Variants in ATP7A observed in about 807,000 individuals in gnomAD.
ATP7A encodes copper-transporting ATPase 1.
Under a neutral mutation model 83.5 loss-of-function variants are expected in ATP7A, and 7 were observed. The ratio of observed to expected loss-of-function variants is 0.08; its 90% CI spans 0.05 to 0.16. The LOEUF is 0.16. Ranked by LOEUF, ATP7A falls within the 10% of genes least tolerant of loss-of-function variation. The pLI is 1.00. For missense variants in ATP7A, 940 were observed against 1,120.8 expected (o/e 0.84, Z 2.30); for synonymous variants, 354 against 395.2 (o/e 0.90, Z 1.24).
intron 14 of ATP7A, among the ~76,000 whole-genome samples, chrX:78,022,654 A>G (rs782052083): frequency 2.4e-4 from 26 of 108,552 alleles, no homozygotes; most frequent in African/African-American, 8.7e-4. Context: ...AGTAGCGGGG[A>G]TTACAGGCTT....
chrX:78,002,981 C>A, intron 5 of ATP7A, 92 bp from the exon 6 acceptor site: 1 of 949,832 alleles, frequency 1.1e-6, no homozygotes, highest in East Asian at 3.3e-5. Context: ...AAGAGAAATC[C>A]TTTCATACTT....
chrX:78,047,050 A>G lies in ATP7A; in HGVS notation c.*480A>G, dbSNP rs2078087861. The G allele has an allele frequency of 8.6e-6, 1 of 116,111 alleles. No individual in the cohort carries two copies. Among genetic ancestry groups the G allele is most frequent in the Non-Finnish European group, 1.8e-5 (1 of 55,864 alleles). The allele number at this position is 116,111 out of a possible 1,213,427, so 9.6% of individuals were successfully genotyped here. On this transcript the variant is annotated 3_prime_UTR_variant, in exon 23 of 23. Transcript: ENST00000341514. ...TCAAAGCACTGTGTATAAAACATCT[A>G]GTTTTAGAAGGGAAACAGTTGAAAC... is the stretch of plus-strand genomic sequence containing the variant.
chrX:78,029,524 A>T (rs1367848739), intron 15 of ATP7A, 80 bp downstream of exon 15: 2 of 969,174 alleles, frequency 2.1e-6, no homozygotes, highest in African/African-American at 3.8e-5. Context: ...ACATACTCCT[A>T]AATTATTTCT....
chrX:78,038,857 A>G lies in ATP7A; in HGVS notation c.3533A>G (p.Tyr1178Cys), dbSNP rs1557238006. 4.1e-6 allele frequency: 5 copies of G among 1,210,904 alleles called. No individual in the cohort carries two copies. Among genetic ancestry groups the G allele is most frequent in the Admixed American group, 2.2e-5 (1 of 46,044 alleles). Residue 1178 changes from tyrosine to cysteine, a missense_variant, in exon 18 of 23, where the codon TAT becomes TGT. Tyr to Cys is a radical substitution (Grantham distance 194). This residue lies in a region of ATP7A where 386 missense variants were observed against 502.2 expected (regional missense o/e 0.77). Coordinates refer to ENST00000341514, the MANE Select transcript of ATP7A (RefSeq NM_000052.7). ...QISNALNAQQ[Y>C]KVLIGNREWM... ...TCAGATGCTCTTAATGCTCAGCAGT[A>G]TAAAGTCCTCATTGGTAACCGGGAG...
intron 1 of ATP7A, among the ~76,000 whole-genome samples, chrX:77,914,277 G>A (rs1258980134): frequency 1.8e-5 from 2 of 110,577 alleles, no homozygotes; most frequent in African/African-American, 6.6e-5. Flanking sequence ...AAGAGATGGG[G>A]TCTTGCTCTG....
At chrX:77,922,034 G>A (rs868944854) in intron 1 of ATP7A, among the ~76,000 whole-genome samples, 49 of 111,132 alleles carry the variant, frequency 4.4e-4, no homozygotes, top group African/African-American at 1.5e-3. Flanking sequence ...GCCTCAAGAA[G>A]TCCTCCTGCT....
At chrX:77,992,015 C>T (rs993128279) in intron 4 of ATP7A, among the ~76,000 whole-genome samples, 12 of 109,331 alleles carry the variant, frequency 1.1e-4, no homozygotes, top group Non-Finnish European at 2.1e-4. Context: ...GAACAAGACC[C>T]TGTCTTTAAA....
Position 77,957,846 on chromosome X carries a change from G to A in ATP7A, c.-21-13775G>A, listed in dbSNP as rs782526199. ...GGTAGGGGTCTAGTCTCATTTTTCT[G>A]CATGTGGCTATTCAGTTTTCTCAGC... On this transcript the variant is annotated intron_variant, in intron 1 of 22. Coordinates refer to ENST00000341514, the MANE Select transcript of ATP7A (RefSeq NM_000052.7). Among the ~76,000 whole-genome samples, 6 of 110,889 alleles carry A rather than the reference G, an allele frequency of 5.4e-5. No homozygotes were observed. The East Asian group carries it at 1.7e-3, about 31-fold the overall frequency.
Position 77,989,967 on chromosome X carries a change from C to A in ATP7A, c.1336+9C>A. ...TGATGCTACCTTGTCAGGTAATTATCATTTTTTCTTTGATTACCCTAATGT... is the reference window on the plus strand; with the variant it reads ...TGATGCTACCTTGTCAGGTAATTATAATTTTTTCTTTGATTACCCTAATGT... On this transcript the variant is annotated intron_variant, in intron 4 of 22. Coordinates refer to ENST00000341514, the MANE Select transcript of ATP7A (RefSeq NM_000052.7). 8.3e-7 allele frequency: 1 copy of A among 1,210,377 alleles called. No individual in the cohort carries two copies. The highest frequency in any genetic ancestry group is 1.1e-6 in the Non-Finnish European group (1 of 894,794).
At position 78,013,043 on chromosome X, in the gene ATP7A, T is replaced by A; in HGVS notation, c.2337T>A (p.Thr779=). 2 of 1,211,411 alleles carry A rather than the reference T, an allele frequency of 1.7e-6. No homozygotes were observed. Among genetic ancestry groups the A allele is most frequent in the Non-Finnish European group, 2.2e-6 (2 of 895,276 alleles). Residue 779 remains threonine (T), a synonymous_variant, in exon 10 of 23, where the codon ACT becomes ACA. Transcript: ENST00000341514. ...AGAGAGCCAAAGTGAACCCTATTAC[T>A]TTCTTTGACACACCCCCTATGCTGT... The part of the protein sequence containing the change: ...MYERAKVNPI[T]FFDTPPMLFV...
chrX:78,006,289 G>T (rs1311613109), intron 6 of ATP7A, among the ~76,000 whole-genome samples: 1 of 111,910 alleles, frequency 8.9e-6, no homozygotes, highest in Non-Finnish European at 1.9e-5. Context: ...TTTTGCATAT[G>T]TATGAAATGA....
At chrX:77,991,067 TA>T (rs2077666547) in intron 4 of ATP7A, among the ~76,000 whole-genome samples, 1 of 112,096 alleles carries the variant, frequency 8.9e-6, no homozygotes. Flanking sequence ...AATTGACACA[TA>T]GTTCACATAC....
At chrX:77,993,290 G>T (rs2077680560) in intron 4 of ATP7A, among the ~76,000 whole-genome samples, 1 of 111,479 alleles carries the variant, frequency 9.0e-6, no homozygotes, top group Non-Finnish European at 1.9e-5. Flanking sequence ...TATTCACTTG[G>T]GTTTATATTT....
intron 12 of ATP7A, among the ~76,000 whole-genome samples, chrX:78,017,807 C>T (rs1265048275): frequency 3.8e-5 from 3 of 79,542 alleles, no homozygotes; most frequent in African/African-American, 5.0e-5. Context: ...GACGGAGTCT[C>T]GCTCTGTCGC....
chrX:77,922,977 A>AAG (rs1306781116), intron 1 of ATP7A: 2 of 112,389 alleles, frequency 1.8e-5, no homozygotes, highest in African/African-American at 6.5e-5. Flanking sequence ...TCTCATGAGT[A>AAG]AGAGTTATCT....
Position 77,937,885 on chromosome X carries a change from TCTCACA to T in ATP7A, c.-22+27052_-22+27057del, listed in dbSNP as rs1212530895. Reference sequence around the variant, plus strand: ...GGATGGTTCTCTCTCTCTCTCTCTCTCTCACACACACACACACACACACACATACAC... The same window carrying T: ...GGATGGTTCTCTCTCTCTCTCTCTCTCACACACACACACACACACATACAC... On this transcript the variant is annotated intron_variant, in intron 1 of 22. Transcript: ENST00000341514. Among the ~76,000 whole-genome samples, 3 of 105,737 alleles carry T rather than the reference TCTCACA, an allele frequency of 2.8e-5. No individual in the cohort carries two copies. In the Admixed American group the frequency reaches 3.1e-4, roughly 11 times the overall value. 91.8% of individuals were successfully genotyped at this position (105,737 alleles called of 115,157 possible).
At chrX:78,000,630 A>G (rs2077733204) in intron 5 of ATP7A, among the ~76,000 whole-genome samples, 2 of 107,202 alleles carry the variant, frequency 1.9e-5, no homozygotes, top group South Asian at 7.5e-4. Flanking sequence ...GTTATATATA[A>G]ATATATAAAT....
Position 78,015,891 on chromosome X carries a change from T to C in ATP7A, c.2626+10T>C, listed in dbSNP as rs1294264296. 2.5e-6 allele frequency: 3 copies of C among 1,210,929 alleles called. No homozygotes were observed. The highest frequency in any genetic ancestry group is 3.4e-6 in the Non-Finnish European group (3 of 895,030). On this transcript the variant is annotated intron_variant, in intron 12 of 22. Coordinates refer to ENST00000341514, the MANE Select transcript of ATP7A (RefSeq NM_000052.7). ...GAGTCCCTCATCACAGGTATGTTCT[T>C]TCAAAGGATCATGACCAAAATGTTA... is the stretch of plus-strand genomic sequence containing the variant.
intron 2 of ATP7A, among the ~76,000 whole-genome samples, chrX:77,980,234 G>A (rs978247443): frequency 5.4e-5 from 6 of 110,912 alleles, no homozygotes; most frequent in African/African-American, 2.0e-4. Flanking sequence ...CGGATCACGA[G>A]GTCAGGAGTT....
Sources: allele counts gnomAD v4.1 joint callset (sites outside exome capture counted in the v4.1 genomes callset), GRCh38; gene constraint gnomAD v4.1.1; regional missense constraint gnomAD v4.1.1; transcripts MANE v1.5; gene names NCBI Gene and HGNC (gene_info 2026-07-23, HGNC 2026-07-21).